The following LRFN4 variants were observed in gnomAD, a reference collection of about 807,000 sequenced individuals.
The protein encoded by LRFN4 is leucine-rich repeat and fibronectin type-III domain-containing protein 4.
In LRFN4, 10 loss-of-function variants were observed where a neutral mutation model predicts 29.0. That is an observed-to-expected ratio of 0.35 (90% CI 0.21 to 0.59). LRFN4 has a LOEUF of 0.59. Among genes scored for constraint, LRFN4 ranks in the 20% least tolerant of loss-of-function variants. LRFN4 has a pLI of 0.82. For missense variants in LRFN4, 850 were observed against 907.9 expected, an observed-to-expected ratio of 0.94 and a Z score of 0.82; for synonymous variants, 493 against 437.0, an observed-to-expected ratio of 1.13 and a Z score of -1.60.
Position 66,860,123 on chromosome 11 carries a change from T to C in LRFN4, c.1836T>C (p.His612=), listed in dbSNP as rs1946159877. 6.4e-7 allele frequency: 1 copy of C among 1,550,388 alleles called. No homozygotes were observed. Among genetic ancestry groups the C allele is most frequent in the African/African-American group, 1.4e-5 (1 of 73,046 alleles). ...GGGCCCGACGGAGCCACTCTGTGCA[T>C]GGGGGGCTGCTCGGGGCAGGGTGCC... ...GAWARRSHSV[H]GGLLGAGCRG... is the part of the protein sequence containing the mutation. Residue 612 remains histidine, a synonymous_variant, in exon 2 of 2, where the codon CAT becomes CAC. Coordinates refer to ENST00000309602, the MANE Select transcript of LRFN4 (RefSeq NM_024036.5).
Position 66,857,397 on chromosome 11 carries a change from CG to C in LRFN4, c.-344del. The stretch of plus-strand genomic sequence containing the variant: ...CCTTCTCTGGCGGGGGAGGGTATGG[CG>C]GGGAGTGGGGAGGCGGCTGGCGATT... On this transcript the variant is annotated 5_prime_UTR_variant, in exon 1 of 2. The change creates a premature stop within an existing upstream ORF in the 5' untranslated region. Transcript: ENST00000309602. The surrounding 1 kb of genome is among the most constrained non-coding windows in gnomAD (Gnocchi z 7.1). The C allele has an allele frequency of 3.8e-6, 1 of 260,528 alleles. No individual in the cohort carries two copies. The highest frequency in any genetic ancestry group is 1.2e-4 in the South Asian group (1 of 8,566). The allele number at this position is 260,528 out of a possible 1,614,324, so 16.1% of individuals were successfully genotyped here. A position where few individuals can be genotyped will look rare whatever the true frequency, so the allele number is the denominator to read the frequency against.
chr11:66,859,755 A>T lies in LRFN4; in HGVS notation c.1468A>T (p.Arg490Trp), dbSNP rs145706724. The T allele has an allele frequency of 6.2e-7, 1 of 1,608,386 alleles. No homozygotes were observed. Among genetic ancestry groups the T allele is most frequent in the African/African-American group, 1.3e-5 (1 of 74,842 alleles). ...AAGPSDLTAT[R>W]LLGCAHFSTL... ...TGGGCCCTCTGACCTCACGGCCACCAGGCTGCTGGGCTGTGCCCATTTCTC... is the reference window on the plus strand; with the variant it reads ...TGGGCCCTCTGACCTCACGGCCACCTGGCTGCTGGGCTGTGCCCATTTCTC... Residue 490 changes from arginine to tryptophan, a missense_variant, in exon 2 of 2, where the codon AGG (arginine) becomes TGG (tryptophan). Physicochemically the swap from Arg to Trp is moderately radical, Grantham distance 101. Around this residue, in one of 2 missense-constraint regions of LRFN4, gnomAD observed 744 missense variants for 753.8 expected, o/e 0.99. Transcript: ENST00000309602.
chr11:66,860,006 G>GCGGAGCCCCCCGCCC lies in LRFN4; in HGVS notation c.1723_1737dup (p.Ser575_Arg579dup). ...GCCCCACACCCAAGGCCCACCCGCC[G>GCGGAGCCCCCCGCCC]CGGAGCCCCCCGCCCCGGCCGCAGC... On this transcript the variant is annotated inframe_insertion, in exon 2 of 2. Coordinates refer to ENST00000309602, the MANE Select transcript of LRFN4 (RefSeq NM_024036.5). 7 of 1,593,888 alleles carry GCGGAGCCCCCCGCCC rather than the reference G, an allele frequency of 4.4e-6. No individual in the cohort carries two copies. Among genetic ancestry groups the GCGGAGCCCCCCGCCC allele is most frequent in the Non-Finnish European group, 6.0e-6 (7 of 1,170,352 alleles).
In LRFN4 at chr11:66,860,410, C is replaced by T. The variant is rs1372558442; in HGVS notation, c.*215C>T. 1 of 727,636 alleles carries T rather than the reference C, an allele frequency of 1.4e-6. No homozygotes were observed. Among genetic ancestry groups the T allele is most frequent in the Admixed American group, 2.0e-5 (1 of 50,040 alleles). 45.1% of individuals were successfully genotyped at this position (727,636 alleles called of 1,614,324 possible). ...CAACAGGTGCTCACAGCCACCGAGGCAGGGGCTGCAGCCACCCACTGGGAG... is the reference window on the plus strand; with the variant it reads ...CAACAGGTGCTCACAGCCACCGAGGTAGGGGCTGCAGCCACCCACTGGGAG... On this transcript the variant is annotated 3_prime_UTR_variant, in exon 2 of 2. Transcript: ENST00000309602.
rs1591142603 is a variant in LRFN4, at chr11:66,857,319, C to G, written c.-426C>G. ...CAGGTGAGGGGGCCGCCGGGCGCAG[C>G]GCGGGGGCCGGCCAGGGAGGGGCCA... is the stretch of plus-strand genomic sequence containing the variant. On this transcript the variant is annotated 5_prime_UTR_variant, in exon 1 of 2. Transcript: ENST00000309602. This position sits in a 1 kb window ranked among gnomAD's most constrained non-coding sequence, Gnocchi z 7.1. 1 of 151,326 alleles carries G rather than the reference C, an allele frequency of 6.6e-6. No individual in the cohort carries two copies. Among genetic ancestry groups the G allele is most frequent in the Non-Finnish European group, 1.5e-5 (1 of 68,348 alleles). 9.4% of individuals were successfully genotyped at this position (151,326 alleles called of 1,614,324 possible).
At chr11:66,859,504 C>T (rs1456628967) in intron 1 of LRFN4, 133 bp from the exon 2 acceptor site, 5 of 1,508,284 alleles carry the variant, frequency 3.3e-6, no homozygotes, top group Middle Eastern at 2.2e-4. Context: ...AGCCTGTTCA[C>T]CTTCCTGAGT....
In LRFN4 at chr11:66,857,953, A is replaced by G. The variant is rs1288434142; in HGVS notation, c.209A>G (p.Asn70Ser). ...GCCCTGGGGCCCCCTGACTTCCGCA[A>G]CATGACGGGACTGGTGGACCTGACA... Reference protein sequence around the residue: ...IQALGPPDFRNMTGLVDLTLS... With the variant: ...IQALGPPDFRSMTGLVDLTLS... The change falls in exon 1 of 2, where the codon AAC (asparagine) becomes AGC (serine). Residue 70 changes from asparagine to serine, a missense_variant. Around this residue, in one of 2 missense-constraint regions of LRFN4, gnomAD observed 106 missense variants for 154.2 expected, o/e 0.69. Transcript: ENST00000309602. The surrounding 1 kb of genome is among the most constrained non-coding windows in gnomAD (Gnocchi z 7.1). 1.2e-6 allele frequency: 2 copies of G among 1,612,438 alleles called. No homozygotes were observed. The highest frequency in any genetic ancestry group is 1.7e-6 in the Non-Finnish European group (2 of 1,179,936).
Position 66,857,759 on chromosome 11 carries a change from C to CCTGCTG in LRFN4, c.25_30dup (p.Leu9_Leu10dup), listed in dbSNP as rs752774479. 1 of 1,593,026 alleles carries CCTGCTG rather than the reference C, an allele frequency of 6.3e-7. No homozygotes were observed. Among genetic ancestry groups the CCTGCTG allele is most frequent in the South Asian group, 1.1e-5 (1 of 90,802 alleles). Reference sequence around the variant, plus strand: ...GGGCGCTCACCATGGCCCCGCCGCTCCTGCTGCTGCTGCTGGCCAGTGGAG... The same window carrying CCTGCTG: ...GGGCGCTCACCATGGCCCCGCCGCTCCTGCTGCTGCTGCTGCTGCTGGCCAGTGGAG... On this transcript the variant is annotated inframe_insertion, in exon 1 of 2. Coordinates refer to ENST00000309602, the MANE Select transcript of LRFN4 (RefSeq NM_024036.5). This position sits in a 1 kb window ranked among gnomAD's most constrained non-coding sequence, Gnocchi z 7.1.
chr11:66,858,318 C>T lies in LRFN4; in HGVS notation c.574C>T (p.Leu192Phe), dbSNP rs775117520. 1 of 1,608,412 alleles carries T rather than the reference C, an allele frequency of 6.2e-7. No individual in the cohort carries two copies. The highest frequency in any genetic ancestry group is 8.5e-7 in the Non-Finnish European group (1 of 1,179,088). Residue 192 changes from leucine to phenylalanine, a missense_variant, in exon 1 of 2, where the codon CTC (leucine) becomes TTC (phenylalanine). Around this residue, in one of 2 missense-constraint regions of LRFN4, gnomAD observed 744 missense variants for 753.8 expected, o/e 0.99. Transcript: ENST00000309602. This position sits in a 1 kb window ranked among gnomAD's most constrained non-coding sequence, Gnocchi z 5.9. ...ACTGCCCCCAGGCGCCTTCGCCCAGCTCGGTCAGCTCTCCCGCCTGGACCT... is the reference window on the plus strand; with the variant it reads ...ACTGCCCCCAGGCGCCTTCGCCCAGTTCGGTCAGCTCTCCCGCCTGGACCT... ...DALPPGAFAQ[L>F]GQLSRLDLTS...
Position 66,858,708 on chromosome 11 carries a change from G to C in LRFN4, c.964G>C (p.Val322Leu). ...MHWVGPDDRL[V>L]GNSSRARAFP... ...CTGGGTCGGTCCTGACGACCGGTTG[G>C]TTGGCAACTCCTCCCGAGCCCGGGC... Residue 322 changes from valine (V) to leucine (L), a missense_variant, in exon 1 of 2, where the codon GTT (valine) becomes CTT (leucine). By Grantham distance (32) the Val-to-Leu change is conservative (BLOSUM62 1). Around this residue, in one of 2 missense-constraint regions of LRFN4, gnomAD observed 744 missense variants for 753.8 expected, o/e 0.99. Coordinates refer to ENST00000309602, the MANE Select transcript of LRFN4 (RefSeq NM_024036.5). The surrounding 1 kb of genome is among the most constrained non-coding windows in gnomAD (Gnocchi z 5.9). The C allele has an allele frequency of 6.4e-7, 1 of 1,552,328 alleles. No individual in the cohort carries two copies.
In LRFN4 at chr11:66,858,786, G is replaced by C; in HGVS notation, c.1042G>C (p.Gly348Arg). ...IGVTGAGDAG[G>R]YTCIATNPAG... is the part of the protein sequence containing the mutation. ...GGTGACCGGCGCTGGGGACGCTGGG[G>C]GCTACACCTGCATCGCCACCAACCC... Residue 348 changes from glycine to arginine, a missense_variant, in exon 1 of 2, where the codon GGC becomes CGC. Gly to Arg is a moderately radical substitution (Grantham distance 125, BLOSUM62 -2). Coordinates refer to ENST00000309602, the MANE Select transcript of LRFN4 (RefSeq NM_024036.5). This position sits in a 1 kb window ranked among gnomAD's most constrained non-coding sequence, Gnocchi z 5.9. 1 of 1,550,038 alleles carries C rather than the reference G, an allele frequency of 6.5e-7. No individual in the cohort carries two copies. Among genetic ancestry groups the C allele is most frequent in the Non-Finnish European group, 8.7e-7 (1 of 1,147,552 alleles).
intron 1 of LRFN4, among the ~76,000 whole-genome samples, chr11:66,859,356 C>T (rs766271380): frequency 1.3e-5 from 2 of 152,168 alleles, no homozygotes; most frequent in Non-Finnish European, 2.9e-5. Context: ...CAGCAGGTGG[C>T]GGTTGGGTCT....
At position 66,860,142 on chromosome 11, in the gene LRFN4, G is replaced by A. The variant is rs1468152687; in HGVS notation, c.1855G>A (p.Gly619Arg). Residue 619 changes from glycine to arginine, a missense_variant, in exon 2 of 2, where the codon GGG becomes AGG. This residue lies in a region of LRFN4 where 744 missense variants were observed against 753.8 expected (regional missense o/e 0.99). Transcript: ENST00000309602. ...TGTGCATGGGGGGCTGCTCGGGGCA[G>A]GGTGCCGGGGGGTAGGAGGCAGCGC... ...HSVHGGLLGA[G>R]CRGVGGSAER... 2 of 1,549,234 alleles carry A rather than the reference G, an allele frequency of 1.3e-6. No individual in the cohort carries two copies. The highest frequency in any genetic ancestry group is 1.7e-6 in the Non-Finnish European group (2 of 1,147,506).
Position 66,860,168 on chromosome 11 carries a change from C to A in LRFN4, c.1881C>A (p.Ala627=), listed in dbSNP as rs1346942911. 1 of 1,547,420 alleles carries A rather than the reference C, an allele frequency of 6.5e-7. No homozygotes were observed. Among genetic ancestry groups the A allele is most frequent in the Non-Finnish European group, 8.7e-7 (1 of 1,147,634 alleles). The change falls in exon 2 of 2, where the codon GCC becomes GCA. Residue 627 remains alanine (A), a synonymous_variant. Coordinates refer to ENST00000309602, the MANE Select transcript of LRFN4 (RefSeq NM_024036.5). ...GAGCRGVGGS[A]ERLEESVV Reference sequence around the variant, plus strand: ...GGTGCCGGGGGGTAGGAGGCAGCGCCGAGCGGCTGGAAGAGAGTGTGGTGT... The same window carrying A: ...GGTGCCGGGGGGTAGGAGGCAGCGCAGAGCGGCTGGAAGAGAGTGTGGTGT...
Position 66,858,487 on chromosome 11 carries a change from T to G in LRFN4, c.743T>G (p.Leu248Arg). Residue 248 changes from leucine (L) to arginine (R), a missense_variant, in exon 1 of 2, where the codon CTG (leucine) becomes CGG (arginine). Leu to Arg is a moderately radical substitution (Grantham distance 102). Around this residue, in one of 2 missense-constraint regions of LRFN4, gnomAD observed 744 missense variants for 753.8 expected, o/e 0.99. Coordinates refer to ENST00000309602, the MANE Select transcript of LRFN4 (RefSeq NM_024036.5). This position sits in a 1 kb window ranked among gnomAD's most constrained non-coding sequence, Gnocchi z 5.9. ...CNCELLWLRR[L>R]ARPDDLETCA... ...TGTGAGCTGCTGTGGCTGCGGCGGC[T>G]GGCGCGGCCGGACGACCTGGAAACG... 6.5e-7 allele frequency: 1 copy of G among 1,540,008 alleles called. No homozygotes were observed. Among genetic ancestry groups the G allele is most frequent in the East Asian group, 2.4e-5 (1 of 41,152 alleles).
In LRFN4 at chr11:66,858,746, G is replaced by C; in HGVS notation, c.1002G>C (p.Gly334=). The C allele has an allele frequency of 6.4e-7, 1 of 1,554,650 alleles. No individual in the cohort carries two copies. Residue 334 remains glycine, a synonymous_variant, in exon 1 of 2, where the codon GGG becomes GGC. Transcript: ENST00000309602. This position sits in a 1 kb window ranked among gnomAD's most constrained non-coding sequence, Gnocchi z 5.9. ...CCCGAGCCCGGGCTTTCCCCAACGG[G>C]ACCTTAGAGATTGGGGTGACCGGCG... ...NSSRARAFPN[G]TLEIGVTGAG... is the part of the protein sequence containing the mutation.
chr11:66,859,021 G>A lies in LRFN4; in HGVS notation c.1277G>A (p.Gly426Glu), dbSNP rs1946072562. 3 of 1,511,598 alleles carry A rather than the reference G, an allele frequency of 2.0e-6. No individual in the cohort carries two copies. The highest frequency in any genetic ancestry group is 1.4e-5 in the African/African-American group (1 of 71,160). The allele number at this position is 1,511,598 out of a possible 1,614,324, so 93.6% of individuals were successfully genotyped here. Residue 426 changes from glycine (G) to glutamate (E), a missense_variant, in exon 1 of 2, where the codon GGG (glycine) becomes GAG (glutamate). Gly to Glu is a moderately conservative substitution (Grantham distance 98). Coordinates refer to ENST00000309602, the MANE Select transcript of LRFN4 (RefSeq NM_024036.5). ...ATSGLVSWGP[G>E]RPADPVWMFQ... ...TCAGGGCTGGTGAGCTGGGGTCCCG[G>A]GCGGCCAGCCGACCCAGTGTGGATG...
At position 66,858,422 on chromosome 11, in the gene LRFN4, C is replaced by A. The variant is rs370566594; in HGVS notation, c.678C>A (p.Pro226=). The A allele has an allele frequency of 6.0e-5, 93 of 1,555,198 alleles. No homozygotes were observed. Among genetic ancestry groups the A allele is most frequent in the Middle Eastern group, 1.7e-4 (1 of 6,030 alleles). Residue 226 remains proline, a synonymous_variant, in exon 1 of 2, where the codon CCC becomes CCA. Transcript: ENST00000309602. This position sits in a 1 kb window ranked among gnomAD's most constrained non-coding sequence, Gnocchi z 5.9. ...GTGATGCAGAGGCCTCTCCCGCCCC[C>A]CTGGTGCTGAGCTTTAGCGGGAACC... is the stretch of plus-strand genomic sequence containing the variant. ...RGRDAEASPA[P]LVLSFSGNPL...
Position 66,860,231 on chromosome 11 carries a change from G to A in LRFN4, c.*36G>A, listed in dbSNP as rs1208260859. 1 of 1,539,258 alleles carries A rather than the reference G, an allele frequency of 6.5e-7. No homozygotes were observed. The highest frequency in any genetic ancestry group is 8.7e-7 in the Non-Finnish European group (1 of 1,146,996). On this transcript the variant is annotated 3_prime_UTR_variant, in exon 2 of 2. Coordinates refer to ENST00000309602, the MANE Select transcript of LRFN4 (RefSeq NM_024036.5). ...GCTTCCTGTGTGCTCCAAGGGATGA[G>A]CCTCGTGGGGCAGAGGGCCCGGGGC...
Sources: gnomAD v4.1 joint callset for allele counts (sites outside exome capture counted in the v4.1 genomes callset) on GRCh38, gnomAD v4.1.1 for gene constraint, gnomAD v4.1.1 regional missense constraint, Gnocchi (gnomAD v3.1) non-coding constraint, MANE v1.5 for transcripts, NCBI Gene and HGNC (gene_info 2026-07-23, HGNC 2026-07-21) for gene names.